APBA1: variants seen among roughly 807,000 people sequenced by gnomAD.
APBA1 encodes amyloid-beta A4 precursor protein-binding family A member 1.
A neutral mutation model predicts 86.6 loss-of-function variants in APBA1; 55 were observed. The ratio of observed to expected loss-of-function variants is 0.64; its 90% CI spans 0.51 to 0.80. The LOEUF (loss-of-function observed/expected upper bound fraction) is 0.80, where lower values mean the gene tolerates loss of function less well. Ranked by LOEUF, APBA1 falls within the 30% of genes least tolerant of loss-of-function variation. The pLI, the probability that APBA1 is intolerant of heterozygous loss-of-function variation, is 0.00. For missense variants in APBA1, 1,090 were observed against 1,183.0 expected (o/e 0.92, Z 1.15); for synonymous variants, 511 against 493.9 (o/e 1.03, Z -0.46).
chr9:69,612,357 T>A (rs568819254), intron 1 of APBA1, among the ~76,000 whole-genome samples: 5 of 152,150 alleles, frequency 3.3e-5, no homozygotes, highest in African/African-American at 1.2e-4. Flanking sequence ...AAAAATGAAC[T>A]TTTCCTGTGA....
chr9:69,559,928 T>C (rs1488016213), intron 1 of APBA1, among the ~76,000 whole-genome samples: 1 of 152,194 alleles, frequency 6.6e-6, no homozygotes, highest in Admixed American at 6.5e-5. Flanking sequence ...CCCCCAAGCA[T>C]CTGCATCACT....
chr9:69,614,779 A>G (rs1822668193), intron 1 of APBA1, among the ~76,000 whole-genome samples: 2 of 152,264 alleles, frequency 1.3e-5, no homozygotes, highest in South Asian at 4.1e-4. Flanking sequence ...CTACTAATCA[A>G]GATGAAGCAG....
At chr9:69,519,752 G>A (rs1836223103) in intron 1 of APBA1, among the ~76,000 whole-genome samples, 1 of 152,174 alleles carries the variant, frequency 6.6e-6, no homozygotes, top group African/African-American at 2.4e-5. Context: ...TGCCTTCAGG[G>A]AAAATGGCTG....
rs1588286193 is a variant in APBA1, at chr9:69,443,074, T to G, written c.2182-1959A>C. ...GAGGTAGGGGCTATTTTGCCTCTGGTTATCCAGCTTTACTATGCTTGGCCA... is the reference window on the plus strand; with the variant it reads ...GAGGTAGGGGCTATTTTGCCTCTGGGTATCCAGCTTTACTATGCTTGGCCA... On this transcript the variant is annotated intron_variant, in intron 10 of 12. Transcript: ENST00000265381. Among the ~76,000 whole-genome samples, 3 of 152,290 alleles carry G rather than the reference T, an allele frequency of 2.0e-5. No homozygotes were observed. In the East Asian group the frequency reaches 5.8e-4, roughly 29 times the overall value.
At chr9:69,567,147 T>G (rs1389080005) in intron 1 of APBA1, among the ~76,000 whole-genome samples, 1 of 152,196 alleles carries the variant, frequency 6.6e-6, no homozygotes, top group African/African-American at 2.4e-5. Context: ...AACAAGTATT[T>G]GTTGAATTCC....
intron 1 of APBA1, among the ~76,000 whole-genome samples, chr9:69,562,389 T>A (rs935253592): frequency 6.6e-6 from 1 of 151,948 alleles, no homozygotes; most frequent in Non-Finnish European, 1.5e-5. Context: ...TCTTTTTTTT[T>A]TTTGACATGA....
intron 1 of APBA1, among the ~76,000 whole-genome samples, chr9:69,638,643 A>G (rs1285270653): frequency 6.6e-6 from 1 of 152,256 alleles, no homozygotes; most frequent in Non-Finnish European, 1.5e-5. Context: ...GTGCATGTTT[A>G]AATAGTTTAA....
chr9:69,540,626 G>A (rs1055461990), intron 1 of APBA1, among the ~76,000 whole-genome samples: 4 of 152,050 alleles, frequency 2.6e-5, no homozygotes, highest in Non-Finnish European at 2.9e-5. Context: ...TAGAGACAGG[G>A]TCTCGCTCTG....
chr9:69,664,511 CA>C (rs1198877269), intron 1 of APBA1, among the ~76,000 whole-genome samples: 1 of 152,012 alleles, frequency 6.6e-6, no homozygotes, highest in Non-Finnish European at 1.5e-5. Context: ...CTAATCATGA[CA>C]AAGACTCTAA....
intron 10 of APBA1, among the ~76,000 whole-genome samples, chr9:69,441,850 C>G (rs952476590): frequency 1.3e-5 from 2 of 152,194 alleles, no homozygotes; most frequent in Non-Finnish European, 2.9e-5. Flanking sequence ...AGAGGGAAAG[C>G]TGATCTTCGA....
At position 69,449,734 on chromosome 9, in the gene APBA1, T is replaced by A. The variant is rs748690692; in HGVS notation, c.2031A>T (p.Gly677=). Residue 677 remains glycine (G), a synonymous_variant, in exon 10 of 13, where the codon GGA becomes GGT. Coordinates refer to ENST00000265381, the MANE Select transcript of APBA1 (RefSeq NM_001163.4). ...CAATGATCACGGTGGGGAGGATGGA[T>A]CCCCAGCCAGACTCCACAATCACCA... is the stretch of plus-strand genomic sequence containing the variant. The part of the protein sequence containing the change: ...LGVVIVESGW[G]SILPTVIIAN... 6 of 1,613,962 alleles carry A rather than the reference T, an allele frequency of 3.7e-6. No homozygotes were observed. Among genetic ancestry groups the A allele is most frequent in the Non-Finnish European group, 4.2e-6 (5 of 1,179,996 alleles).
chr9:69,604,929 C>T (rs1822441940), intron 1 of APBA1, among the ~76,000 whole-genome samples: 1 of 152,110 alleles, frequency 6.6e-6, no homozygotes, highest in African/African-American at 2.4e-5. Context: ...CACATGCACA[C>T]ACGTGAGGGT....
chr9:69,549,947 C>G (rs1324695406), intron 1 of APBA1, among the ~76,000 whole-genome samples: 1 of 152,112 alleles, frequency 6.6e-6, no homozygotes. Flanking sequence ...AATCTGGAGT[C>G]TGGTATACAT....
At chr9:69,591,822 C>T (rs1373386028) in intron 1 of APBA1, among the ~76,000 whole-genome samples, 1 of 152,194 alleles carries the variant, frequency 6.6e-6, no homozygotes, top group African/African-American at 2.4e-5. Flanking sequence ...CGAGGCCTTT[C>T]CCATGTGATA....
chr9:69,592,327 T>C (rs1822146573), intron 1 of APBA1, among the ~76,000 whole-genome samples: 1 of 152,208 alleles, frequency 6.6e-6, no homozygotes, highest in African/African-American at 2.4e-5. Flanking sequence ...ACAGAAGCAG[T>C]GGCTCTGCTT....
chr9:69,596,278 T>C (rs1261639466), intron 1 of APBA1, among the ~76,000 whole-genome samples: 1 of 152,218 alleles, frequency 6.6e-6, no homozygotes, highest in African/African-American at 2.4e-5. Flanking sequence ...TGAGCCACTG[T>C]GCCTGGCACT....
chr9:69,587,312 G>A (rs1230467952), intron 1 of APBA1, among the ~76,000 whole-genome samples: 1 of 152,198 alleles, frequency 6.6e-6, no homozygotes, highest in Non-Finnish European at 1.5e-5. Context: ...TTCCACTGGG[G>A]CTTCCAGGAA....
intron 1 of APBA1, among the ~76,000 whole-genome samples, chr9:69,589,952 G>C (rs970820056): frequency 6.6e-6 from 1 of 152,180 alleles, no homozygotes; most frequent in Non-Finnish European, 1.5e-5. Flanking sequence ...TGAGGACTTG[G>C]TTTGGTAGTG....
chr9:69,504,663 T>C (rs1268673474), intron 2 of APBA1, among the ~76,000 whole-genome samples: 1 of 152,060 alleles, frequency 6.6e-6, no homozygotes, highest in African/African-American at 2.4e-5. Context: ...TGTTGGGGAC[T>C]AGGGATCCTG....
Sources: allele counts gnomAD v4.1 joint callset (sites outside exome capture counted in the v4.1 genomes callset), GRCh38; gene constraint gnomAD v4.1.1; transcripts MANE v1.5; gene names NCBI Gene and HGNC (gene_info 2026-07-23, HGNC 2026-07-21).